The following C2CD3 variants were observed in gnomAD, a reference collection of about 807,000 sequenced individuals.
C2CD3 encodes C2 domain-containing protein 3.
Under a neutral mutation model 234.0 loss-of-function variants are expected in C2CD3, and 148 were observed. The observed-to-expected ratio is 0.63, with a 90% CI of 0.55 to 0.72. C2CD3 has a LOEUF of 0.72. Among genes scored for constraint, C2CD3 ranks in the 30% least tolerant of loss-of-function variants. C2CD3 has a pLI of 0.00. For synonymous variants in C2CD3, 1,000 were observed against 1,035.4 expected, an observed-to-expected ratio of 0.97 and a Z score of 0.66; for missense variants, 2,577 against 2,811.5, an observed-to-expected ratio of 0.92 and a Z score of 1.89.
At chr11:74,053,622 C>T (rs1275276485) in intron 26 of C2CD3, among the ~76,000 whole-genome samples, 2 of 152,154 alleles carry the variant, frequency 1.3e-5, no homozygotes, top group Non-Finnish European at 2.9e-5. Flanking sequence ...TGTGTACTAC[C>T]TGATAATGCA....
At chr11:74,076,384 G>A (rs746978771) in intron 23 of C2CD3, among the ~76,000 whole-genome samples, 20 of 152,172 alleles carry the variant, frequency 1.3e-4, no homozygotes, top group Admixed American at 1.3e-4. Flanking sequence ...CTGTAGAGTG[G>A]GGGAAATAAC....
chr11:74,095,780 C>T (rs531769930), intron 16 of C2CD3, among the ~76,000 whole-genome samples: 6 of 152,136 alleles, frequency 3.9e-5, no homozygotes, highest in South Asian at 2.1e-4. Flanking sequence ...AATAATAAAT[C>T]GTAAATTTAG....
At chr11:74,113,575 G>A in intron 11 of C2CD3, 1 of 548,060 alleles carries the variant, frequency 1.8e-6, no homozygotes, top group Non-Finnish European at 3.3e-6. Context: ...AGCTACTCAG[G>A]AGGCTGAGAT....
At chr11:74,048,826 G>C (rs1356239656) in intron 27 of C2CD3, among the ~76,000 whole-genome samples, 1 of 152,216 alleles carries the variant, frequency 6.6e-6, no homozygotes, top group Non-Finnish European at 1.5e-5. Context: ...GAGAGACAGA[G>C]AGATGAATAG....
At chr11:74,034,834 T>C (rs1952662202) in intron 30 of C2CD3, among the ~76,000 whole-genome samples, 1 of 152,242 alleles carries the variant, frequency 6.6e-6, no homozygotes, top group Admixed American at 6.5e-5. Flanking sequence ...CTTGTTAACT[T>C]TGTGATCATA....
At chr11:74,141,097 G>A (rs1385052408) in intron 3 of C2CD3, among the ~76,000 whole-genome samples, 1 of 152,208 alleles carries the variant, frequency 6.6e-6, no homozygotes, top group Non-Finnish European at 1.5e-5. Context: ...AGCACCCAAA[G>A]ACCGTCAAAT....
In C2CD3 at chr11:74,078,655, G is replaced by T; in HGVS notation, c.4063C>A (p.Leu1355Ile). ...EDGGLPHGLE[L>I]MQKIVGGLEL... is the part of the protein sequence containing the mutation. ...AGACCACCCACGATCTTCTGCATGA[G>T]CTCCAGGCCATGAGGTAGGCCCCCG... The change falls in exon 23 of 33, where the codon CTC (leucine) becomes ATC (isoleucine). Residue 1355 changes from leucine to isoleucine, a missense_variant. Transcript: ENST00000334126. 1 of 1,614,094 alleles carries T rather than the reference G, an allele frequency of 6.2e-7. No individual in the cohort carries two copies.
At chr11:74,131,814 C>T (rs931462464) in intron 7 of C2CD3, among the ~76,000 whole-genome samples, 10 of 152,026 alleles carry the variant, frequency 6.6e-5, no homozygotes, top group Non-Finnish European at 1.5e-4. Context: ...TCTGGTGATC[C>T]GCCCACCTTG....
intron 2 of C2CD3, among the ~76,000 whole-genome samples, chr11:74,166,336 C>A (rs76918579): frequency 7.4e-4 from 98 of 131,712 alleles, no homozygotes; most frequent in African/African-American, 2.6e-3. Context: ...AAAAAAAAAA[C>A]CATGTCATGT....
chr11:74,133,056 G>T, intron 6 of C2CD3, 84 bp from the exon 7 acceptor site: 1 of 1,304,626 alleles, frequency 7.7e-7, no homozygotes, highest in Non-Finnish European at 1.1e-6. Flanking sequence ...CATGCAGCTG[G>T]TCTGACTCAG....
intron 24 of C2CD3, among the ~76,000 whole-genome samples, chr11:74,073,536 G>A (rs186659099): frequency 4.1e-5 from 6 of 146,024 alleles, no homozygotes; most frequent in Non-Finnish European, 5.9e-5. Flanking sequence ...GCAGTGAGCC[G>A]AAATCGTGCC....
In C2CD3 at chr11:74,103,407, T is replaced by G; in HGVS notation, c.2304A>C (p.Arg768=). 1 of 1,614,188 alleles carries G rather than the reference T, an allele frequency of 6.2e-7. No individual in the cohort carries two copies. The highest frequency in any genetic ancestry group is 1.1e-5 in the South Asian group (1 of 91,090). Residue 768 remains arginine, a synonymous_variant, in exon 14 of 33, where the codon CGA becomes CGC. Coordinates refer to ENST00000334126, the MANE Select transcript of C2CD3 (RefSeq NM_001286577.2). The part of the protein sequence containing the change: ...KKAQNLVLPN[R]KSPSPVAPHP... ...GTGGTGCTACAGGGCTTGGTGACTT[T>G]CGGTTGGGGAGCACCAAGTTCTGTG...
intron 2 of C2CD3, chr11:74,168,087 T>G: frequency 2.6e-6 from 1 of 382,836 alleles, no homozygotes. Context: ...TCCAACTTGT[T>G]TAATTGTCTA....
chr11:74,101,517 A>G (rs757636095), intron 14 of C2CD3, among the ~76,000 whole-genome samples: 1 of 152,210 alleles, frequency 6.6e-6, no homozygotes, highest in African/African-American at 2.4e-5. Context: ...CCTAGTGTTT[A>G]TATCCTGAAC....
At chr11:74,051,691 G>A (rs533114660) in intron 26 of C2CD3, among the ~76,000 whole-genome samples, 1 of 152,246 alleles carries the variant, frequency 6.6e-6, no homozygotes, top group South Asian at 2.1e-4. Context: ...GCTCCAGGAA[G>A]CCTTCTCTGA....
In C2CD3 at chr11:74,033,781, T is replaced by G. The variant is rs1420122915; in HGVS notation, c.6379A>C (p.Ser2127Arg). The change falls in exon 31 of 33, where the codon AGT becomes CGT. Residue 2127 changes from serine to arginine, a missense_variant. Transcript: ENST00000334126. ...PFCREELMVK[S>R]SFLSSPERAV... ...CTTTCTGGGCTGGAGAGAAAGCTAC[T>G]TTTGACCATAAGCTCCTCTCTGCAG... 3 of 1,536,198 alleles carry G rather than the reference T, an allele frequency of 2.0e-6. No homozygotes were observed. Among genetic ancestry groups the G allele is most frequent in the Non-Finnish European group, 2.6e-6 (3 of 1,146,954 alleles).
At chr11:74,151,433 T>C (rs985882823) in intron 3 of C2CD3, among the ~76,000 whole-genome samples, 1 of 152,072 alleles carries the variant, frequency 6.6e-6, no homozygotes, top group Non-Finnish European at 1.5e-5. Flanking sequence ...TTCTCCTGTC[T>C]CAGCCTTCTC....
At chr11:74,040,926 GCA>G (rs992886037) in intron 29 of C2CD3, among the ~76,000 whole-genome samples, 8 of 143,158 alleles carry the variant, frequency 5.6e-5, no homozygotes, top group Non-Finnish European at 7.6e-5. Flanking sequence ...ACACACACAC[GCA>G]CACACACACA....
At chr11:74,131,352 ATC>A (rs1403750900) in intron 7 of C2CD3, among the ~76,000 whole-genome samples, 8 of 151,458 alleles carry the variant, frequency 5.3e-5, no homozygotes, top group African/African-American at 1.7e-4. Flanking sequence ...CTATCTGTCT[ATC>A]TCTCTCTCTT....
Sources: gnomAD v4.1 joint callset for allele counts (sites outside exome capture counted in the v4.1 genomes callset) on GRCh38, gnomAD v4.1.1 for gene constraint, MANE v1.5 for transcripts, NCBI Gene and HGNC (gene_info 2026-07-23, HGNC 2026-07-21) for gene names.